The following GATA2 variants were observed in gnomAD, a reference collection of about 807,000 sequenced individuals.
The protein encoded by GATA2 is GATA binding protein 2.
Under a neutral mutation model 35.7 loss-of-function variants are expected in GATA2, and 6 were observed. That is an observed-to-expected ratio of 0.17 (90% CI 0.09 to 0.33). GATA2 has a LOEUF of 0.33. Ranked by LOEUF, GATA2 falls within the 10% of genes least tolerant of loss-of-function variation. The pLI, the probability that GATA2 is intolerant of heterozygous loss-of-function variation, is 1.00. For synonymous variants in GATA2, 313 were observed against 274.9 expected (o/e 1.14, Z -1.37); for missense variants, 541 against 656.6 (o/e 0.82, Z 1.92).
chr3:128,480,809 C>G lies in GATA2; in HGVS notation c.*210G>C. 1 of 568,336 alleles carries G rather than the reference C, an allele frequency of 1.8e-6. No individual in the cohort carries two copies. The highest frequency in any genetic ancestry group is 2.9e-5 in the South Asian group (1 of 34,552). The allele number at this position is 568,336 out of a possible 1,614,324, so 35.2% of individuals were successfully genotyped here. A position where few individuals can be genotyped will look rare whatever the true frequency, so the allele number is the denominator to read the frequency against. ...ACAACTGTCCATGCAGGAAACCCCA[C>G]CTGGGCAGCGGTCAGGTGCGGAGGC... On this transcript the variant is annotated 3_prime_UTR_variant, in exon 6 of 6. Transcript: ENST00000341105.
At chr3:128,491,786 T>C (rs1209518168) in intron 1 of GATA2, among the ~76,000 whole-genome samples, 1 of 151,924 alleles carries the variant, frequency 6.6e-6, no homozygotes, top group East Asian at 1.9e-4. Flanking sequence ...GACCCCTACC[T>C]TCAAGCCTGG....
intron 1 of GATA2, among the ~76,000 whole-genome samples, chr3:128,491,549 TC>T (rs1015362959): frequency 7.9e-5 from 12 of 152,306 alleles, no homozygotes; most frequent in African/African-American, 2.6e-4. Flanking sequence ...CAGCCATCCC[TC>T]CGGGGGGGTT....
Position 128,480,795 on chromosome 3 carries a change from T to C in GATA2, c.*224A>G, listed in dbSNP as rs944786172. 3 of 550,080 alleles carry C rather than the reference T, an allele frequency of 5.5e-6. No individual in the cohort carries two copies. In the Admixed American group the frequency reaches 1.0e-4, roughly 18 times the overall value. 34.1% of individuals were successfully genotyped at this position (550,080 alleles called of 1,614,324 possible). The stretch of plus-strand genomic sequence containing the variant: ...TTGTTGTTCTCCAAACAACTGTCCA[T>C]GCAGGAAACCCCACCTGGGCAGCGG... On this transcript the variant is annotated 3_prime_UTR_variant, in exon 6 of 6. Transcript: ENST00000341105.
At chr3:128,486,468 C>T in intron 2 of GATA2, 100 bp from the exon 3 acceptor site, 3 of 1,416,958 alleles carry the variant, frequency 2.1e-6, no homozygotes, top group Non-Finnish European at 2.9e-6. Context: ...CTCCCAGAAC[C>T]AGCAGTCATC....
chr3:128,485,612 T>A (rs1266214456), intron 3 of GATA2, 115 bp downstream of exon 3: 9 of 1,288,246 alleles, frequency 7.0e-6, no homozygotes, highest in Non-Finnish European at 9.7e-6. Context: ...GAGCGAGACA[T>A]CACCCATCCC....
chr3:128,482,003 C>T, intron 4 of GATA2, 59 bp from the exon 5 acceptor site: 2 of 1,600,382 alleles, frequency 1.2e-6, no homozygotes. Flanking sequence ...GACCCCCCTC[C>T]CTGACCCTCG....
At chr3:128,491,553 G>C (rs537091341) in intron 1 of GATA2, among the ~76,000 whole-genome samples, 4 of 152,294 alleles carry the variant, frequency 2.6e-5, no homozygotes, top group South Asian at 2.1e-4. Context: ...CATCCCTCCG[G>C]GGGGGTTCCC....
At chr3:128,482,852 T>A (rs2068648081) in intron 4 of GATA2, among the ~76,000 whole-genome samples, 1 of 151,908 alleles carries the variant, frequency 6.6e-6, no homozygotes, top group African/African-American at 2.4e-5. Flanking sequence ...ACAGAGGGGG[T>A]CCCCCAACAC....
intron 2 of GATA2, 43 bp downstream of exon 2, chr3:128,486,760 C>T (rs758986865): frequency 2.1e-5 from 33 of 1,542,678 alleles, no homozygotes; most frequent in Non-Finnish European, 2.8e-5. Flanking sequence ...CCTCGCCTGG[C>T]GCGCGGCGCC....
chr3:128,486,300 C>T lies in GATA2; in HGVS notation c.298G>A (p.Gly100Arg), dbSNP rs1417506136. 1.9e-6 allele frequency: 3 copies of T among 1,590,758 alleles called. No homozygotes were observed. The highest frequency in any genetic ancestry group is 1.1e-5 in the South Asian group (1 of 87,098). The change falls in exon 3 of 6, where the codon GGG becomes AGG. Residue 100 changes from glycine (G) to arginine (R), a missense_variant. By Grantham distance (125) the Gly-to-Arg change is moderately radical (BLOSUM62 -2). Around this residue, in one of 5 missense-constraint regions of GATA2, gnomAD observed 389 missense variants for 396.9 expected, o/e 0.98. Coordinates refer to ENST00000341105, the MANE Select transcript of GATA2 (RefSeq NM_032638.5). ...LHSPGLPWLDGGKAALSAAAA... is the reference protein window; with the variant it reads ...LHSPGLPWLDRGKAALSAAAA... The stretch of plus-strand genomic sequence containing the variant: ...GCGGCAGAGAGGGCTGCTTTGCCCC[C>T]GTCCAGCCAGGGCAAACCCGGGCTG...
chr3:128,483,597 T>C (rs1471329990), intron 4 of GATA2, among the ~76,000 whole-genome samples: 1 of 152,144 alleles, frequency 6.6e-6, no homozygotes, highest in Non-Finnish European at 1.5e-5. Context: ...GTCCGGCCCG[T>C]GGACACTCAA....
rs1436974541 is a variant in GATA2, at chr3:128,487,007, G to A, written c.25C>T (p.Arg9Cys). MEVAPEQP[R>C]WMAHPAVLNA... ...AGCACGGCCGGGTGCGCCATCCAGCGCGGCTGCTCGGGCGCCACCTCCATG... is the reference window on the plus strand; with the variant it reads ...AGCACGGCCGGGTGCGCCATCCAGCACGGCTGCTCGGGCGCCACCTCCATG... The change falls in exon 2 of 6, where the codon CGC (arginine) becomes TGC (cysteine). Residue 9 changes from arginine (R) to cysteine (C), a missense_variant. Physicochemically the swap from Arg to Cys is radical, Grantham distance 180 (BLOSUM62 -3). Transcript: ENST00000341105. The A allele has an allele frequency of 3.1e-6, 5 of 1,598,606 alleles. No individual in the cohort carries two copies. Among genetic ancestry groups the A allele is most frequent in the Non-Finnish European group, 4.3e-6 (5 of 1,172,884 alleles).
At chr3:128,491,163 T>TGCCAGG (rs1411994030) in intron 1 of GATA2, among the ~76,000 whole-genome samples, 1 of 144,376 alleles carries the variant, frequency 6.9e-6, no homozygotes, top group Non-Finnish European at 1.5e-5. Flanking sequence ...AAGCCGCGGG[T>TGCCAGG]GCCAGGTGGG....
chr3:128,486,284 A>G lies in GATA2; in HGVS notation c.314T>C (p.Leu105Pro). ...LPWLDGGKAA[L>P]SAAAAHHHNP... Reference sequence around the variant, plus strand: ...GTGGTGGTGGGCCGCAGCGGCAGAGAGGGCTGCTTTGCCCCCGTCCAGCCA... The same window carrying G: ...GTGGTGGTGGGCCGCAGCGGCAGAGGGGGCTGCTTTGCCCCCGTCCAGCCA... The change falls in exon 3 of 6, where the codon CTC becomes CCC. Residue 105 changes from leucine to proline, a missense_variant. By Grantham distance (98) the Leu-to-Pro change is moderately conservative. Transcript: ENST00000341105. The G allele has an allele frequency of 6.3e-7, 1 of 1,582,524 alleles. No homozygotes were observed. The highest frequency in any genetic ancestry group is 8.6e-7 in the Non-Finnish European group (1 of 1,166,446).
intron 1 of GATA2, chr3:128,489,122 A>T (rs926009538): frequency 1.3e-5 from 2 of 152,054 alleles, no homozygotes; most frequent in African/African-American, 2.4e-5. Flanking sequence ...GACAGTCGGT[A>T]ATTGGGTAAC....
chr3:128,487,112 C>G lies in GATA2; in HGVS notation c.-45-36G>C, dbSNP rs557870657. The G allele has an allele frequency of 3.7e-4, 438 of 1,193,082 alleles. No individual in the cohort carries two copies. The African/African-American group carries it at 4.5e-3, about 12-fold the overall frequency. The allele number at this position is 1,193,082 out of a possible 1,614,324, so 73.9% of individuals were successfully genotyped here. A position where few individuals can be genotyped will look rare whatever the true frequency, so the allele number is the denominator to read the frequency against. On this transcript the variant is annotated intron_variant, in intron 1 of 5. Transcript: ENST00000341105. ...AAGGGGGAGTGAGGCGTGCCGCCAGCGCCTGACACCCCCCAAAGTCCCACC... is the reference window on the plus strand; with the variant it reads ...AAGGGGGAGTGAGGCGTGCCGCCAGGGCCTGACACCCCCCAAAGTCCCACC...
rs1559984081 is a variant in GATA2, at chr3:128,480,225, G to A, written c.*794C>T. ...GGGGGTTGAAGGGTTAGCAGAAAAA[G>A]GATGTATTTACAGGGTCCACCTGAC... is the stretch of plus-strand genomic sequence containing the variant. On this transcript the variant is annotated 3_prime_UTR_variant, in exon 6 of 6. Coordinates refer to ENST00000341105, the MANE Select transcript of GATA2 (RefSeq NM_032638.5). 4.3e-6 allele frequency: 1 copy of A among 233,192 alleles called. No homozygotes were observed. The highest frequency in any genetic ancestry group is 2.2e-5 in the African/African-American group (1 of 45,334). The allele number at this position is 233,192 out of a possible 1,614,324, so 14.4% of individuals were successfully genotyped here. A position where few individuals can be genotyped will look rare whatever the true frequency, so the allele number is the denominator to read the frequency against.
chr3:128,491,558 G>T (rs985765173), intron 1 of GATA2, among the ~76,000 whole-genome samples: 2 of 152,164 alleles, frequency 1.3e-5, no homozygotes, highest in Non-Finnish European at 2.9e-5. Context: ...CTCCGGGGGG[G>T]TTCCCAAGGG....
At chr3:128,490,231 T>C (rs2068754963) in intron 1 of GATA2, 1 of 152,248 alleles carries the variant, frequency 6.6e-6, no homozygotes, top group Non-Finnish European at 1.5e-5. Flanking sequence ...CTGAGTCCCC[T>C]GCCCAAACGT....
Sources: gnomAD v4.1 joint callset for allele counts (sites outside exome capture counted in the v4.1 genomes callset) on GRCh38, gnomAD v4.1.1 for gene constraint, gnomAD v4.1.1 regional missense constraint, MANE v1.5 for transcripts, NCBI Gene and HGNC (gene_info 2026-07-23, HGNC 2026-07-21) for gene names.